The following PALLD variants were observed in gnomAD, a reference collection of about 807,000 sequenced individuals.
PALLD encodes the protein palladin.
In PALLD, 61 loss-of-function variants were observed where a neutral mutation model predicts 123.5. That is an observed-to-expected ratio of 0.49 (90% CI 0.40 to 0.61). The LOEUF (loss-of-function observed/expected upper bound fraction) is 0.61, where lower values mean the gene tolerates loss of function less well. Ranked by LOEUF, PALLD falls within the 20% of genes least tolerant of loss-of-function variation. The pLI, the probability that PALLD is intolerant of heterozygous loss-of-function variation, is 0.00. For missense variants in PALLD, 1,273 were observed against 1,377.0 expected (o/e 0.92, Z 1.20); for synonymous variants, 465 against 496.4 (o/e 0.94, Z 0.84).
rs78509129 is a variant in PALLD at position 168,693,913 on chromosome 4, G to T, written c.1501+2621G>T. Among the ~76,000 whole-genome samples, 902 of 152,214 alleles carry T rather than the reference G, an allele frequency of 5.9e-3. 9 individuals carry two copies. The highest frequency in any genetic ancestry group is 0.02 in the African/African-American group (838 of 41,530). ...AACCCTTAAACACATGAATGACCAC[G>T]CAAGTGACTAATTATATGAGTTGTT... On this transcript the variant is annotated intron_variant, in intron 8 of 21. Transcript: ENST00000505667.
chr4:168,788,105 A>G (rs1736999810), intron 10 of PALLD, among the ~76,000 whole-genome samples: 1 of 152,362 alleles, frequency 6.6e-6, no homozygotes. Flanking sequence ...AGTGATTTTT[A>G]ACAAGAAATA....
chr4:168,875,937 GCCA>G (rs1207536805), intron 10 of PALLD, among the ~76,000 whole-genome samples: 1 of 152,218 alleles, frequency 6.6e-6, no homozygotes, highest in Non-Finnish European at 1.5e-5. Context: ...CTTCAGCAGA[GCCA>G]CCACACACAG....
chr4:168,856,959 C>A (rs2151008166), intron 10 of PALLD, among the ~76,000 whole-genome samples: 1 of 152,346 alleles, frequency 6.6e-6, no homozygotes, highest in African/African-American at 2.4e-5. Context: ...ATCCAACAGT[C>A]CAATTAACTG....
At chr4:168,538,756 G>T (rs1765324849) in intron 2 of PALLD, among the ~76,000 whole-genome samples, 1 of 152,136 alleles carries the variant, frequency 6.6e-6, no homozygotes, top group South Asian at 2.1e-4. Flanking sequence ...CACATTCACC[G>T]GCAAAGGCTC....
At chr4:168,756,004 G>A (rs536522551) in intron 10 of PALLD, 1 of 165,922 alleles carries the variant, frequency 6.0e-6, no homozygotes, top group East Asian at 1.9e-4. Flanking sequence ...GAGAAGATGG[G>A]AATTGGCTGC....
chr4:168,717,475 C>T (rs563509124), intron 10 of PALLD, among the ~76,000 whole-genome samples: 5 of 152,060 alleles, frequency 3.3e-5, no homozygotes, highest in Non-Finnish European at 7.4e-5. Context: ...CTCAGCCTCC[C>T]GAGTAGCTGG....
intron 7 of PALLD, 124 bp from the exon 8 acceptor site, chr4:168,691,141 TTGAC>T (rs1367379355): frequency 2.8e-6 from 2 of 715,708 alleles, no homozygotes; most frequent in African/African-American, 1.8e-5. Context: ...ATGATGGAGT[TTGAC>T]TGTAACATTT....
chr4:168,851,187 A>T (rs1422942843), intron 10 of PALLD, among the ~76,000 whole-genome samples: 2 of 152,164 alleles, frequency 1.3e-5, no homozygotes, highest in African/African-American at 4.8e-5. Flanking sequence ...GTGGACCCAC[A>T]GTCTGGCTTA....
chr4:168,529,169 T>C (rs1290945726), intron 2 of PALLD, among the ~76,000 whole-genome samples: 1 of 152,100 alleles, frequency 6.6e-6, no homozygotes, highest in East Asian at 1.9e-4. Context: ...ACTTCATCTC[T>C]ACTAAAAATA....
intron 10 of PALLD, among the ~76,000 whole-genome samples, chr4:168,793,208 TAC>T (rs1737831345): frequency 1.4e-5 from 1 of 73,290 alleles, no homozygotes. Context: ...TGCATATATA[TAC>T]ATATATATGT....
chr4:168,794,863 T>G (rs1360728085), intron 10 of PALLD, among the ~76,000 whole-genome samples: 1 of 152,196 alleles, frequency 6.6e-6, no homozygotes, highest in Admixed American at 6.5e-5. Flanking sequence ...TTTCTTATGG[T>G]CTTACTCTGT....
chr4:168,883,614 AAG>A (rs1228930625), intron 10 of PALLD, among the ~76,000 whole-genome samples: 2 of 152,240 alleles, frequency 1.3e-5, no homozygotes, highest in African/African-American at 4.8e-5. Context: ...TAGCCAAAAA[AAG>A]AGACCTCTTG....
chr4:168,701,793 G>A (rs1174511803), intron 8 of PALLD, among the ~76,000 whole-genome samples: 1 of 152,174 alleles, frequency 6.6e-6, no homozygotes, highest in African/African-American at 2.4e-5. Context: ...TGGGAAGATA[G>A]TCCAGGGACG....
At chr4:168,785,166 A>T (rs993695697) in intron 10 of PALLD, among the ~76,000 whole-genome samples, 6 of 136,336 alleles carry the variant, frequency 4.4e-5, no homozygotes, top group Admixed American at 2.6e-4. Flanking sequence ...AGCTGTTAGT[A>T]TGGAATTAGT....
At chr4:168,782,271 A>G (rs568033071) in intron 10 of PALLD, among the ~76,000 whole-genome samples, 1 of 152,340 alleles carries the variant, frequency 6.6e-6, no homozygotes, top group Non-Finnish European at 1.5e-5. Context: ...TGTGCTTGCA[A>G]CTGTGCTGTT....
rs1561373176 is a variant in PALLD, at chr4:168,669,506, G to A, written c.1087+1138G>A. Among the ~76,000 whole-genome samples, 3 of 152,078 alleles carry A rather than the reference G, an allele frequency of 2.0e-5. No homozygotes were observed. In the South Asian group the frequency reaches 6.2e-4, roughly 32 times the overall value. On this transcript the variant is annotated intron_variant, in intron 3 of 21. Transcript: ENST00000505667. ...TTCAGGAGGCTGAGGAGGTAAGGAG[G>A]GAGGATTGCTTGAGCCCATGAGGTC...
intron 2 of PALLD, among the ~76,000 whole-genome samples, chr4:168,658,527 T>A (rs1015649381): frequency 7.9e-5 from 12 of 152,204 alleles, no homozygotes; most frequent in Non-Finnish European, 1.5e-4. Context: ...GCTGAAGTGA[T>A]CCTTCCACCT....
chr4:168,670,178 A>G (rs1292945259), intron 3 of PALLD, among the ~76,000 whole-genome samples: 1 of 152,250 alleles, frequency 6.6e-6, no homozygotes, highest in Non-Finnish European at 1.5e-5. Context: ...CCAAGTTCAG[A>G]TAGAGCACTT....
At chr4:168,893,622 C>T (rs1754509280) in intron 11 of PALLD, among the ~76,000 whole-genome samples, 1 of 152,148 alleles carries the variant, frequency 6.6e-6, no homozygotes, top group African/African-American at 2.4e-5. Context: ...TAATCAAACA[C>T]TTGCTTATAA....
Sources: gnomAD v4.1 joint callset for allele counts (sites outside exome capture counted in the v4.1 genomes callset) on GRCh38, gnomAD v4.1.1 for gene constraint, MANE v1.5 for transcripts, NCBI Gene and HGNC (gene_info 2026-07-23, HGNC 2026-07-21) for gene names.